Variants in DIAPH2 observed in about 807,000 individuals in gnomAD.
DIAPH2 encodes diaphanous related formin 2, also known as protein diaphanous homolog 2.
Under a neutral mutation model 92.7 loss-of-function variants are expected in DIAPH2, and 35 were observed. The observed-to-expected ratio is 0.38, with a 90% CI of 0.29 to 0.50. The LOEUF is 0.50. Ranked by LOEUF, DIAPH2 falls within the 20% of genes least tolerant of loss-of-function variation. The pLI, the probability that DIAPH2 is intolerant of heterozygous loss-of-function variation, is 0.94. For synonymous variants in DIAPH2, 301 were observed against 280.4 expected, an observed-to-expected ratio of 1.07 and a Z score of -0.73; for missense variants, 701 against 819.5, an observed-to-expected ratio of 0.86 and a Z score of 1.77.
intron 22 of DIAPH2, among the ~76,000 whole-genome samples, chrX:97,146,553 C>A (rs1407207681): frequency 9.0e-6 from 1 of 110,565 alleles, no homozygotes; most frequent in Non-Finnish European, 1.9e-5. Context: ...TACTAAAATT[C>A]CAGGCATCAA....
At chrX:96,991,424 T>A (rs1249562843) in intron 17 of DIAPH2, among the ~76,000 whole-genome samples, 2 of 110,037 alleles carry the variant, frequency 1.8e-5, no homozygotes, top group Non-Finnish European at 3.8e-5. Context: ...GGCCTATTAG[T>A]CCCATTTTAT....
At position 97,600,475 on chromosome X, in the gene DIAPH2, A is replaced by ACTT. The variant is rs363764; in HGVS notation, c.*1161_*1163dup. On this transcript the variant is annotated 3_prime_UTR_variant, in exon 27 of 27. Coordinates refer to ENST00000324765, the MANE Select transcript of DIAPH2 (RefSeq NM_006729.5). ...TGCTACAATAATTCCAACTAAGTGA[A>ACTT]CTTCTCAATTATCATCATACTTACT... 0.047 allele frequency: 5,236 copies of ACTT among 112,233 alleles called. 126 individuals are homozygous for ACTT. Among genetic ancestry groups the ACTT allele is most frequent in the Non-Finnish European group, 0.071 (3,762 of 53,045 alleles). The allele number at this position is 112,233 out of a possible 1,213,427, so 9.2% of individuals were successfully genotyped here.
At chrX:96,863,321 C>G (rs1455237123) in intron 4 of DIAPH2, among the ~76,000 whole-genome samples, 2 of 99,636 alleles carry the variant, frequency 2.0e-5, no homozygotes. Context: ...TCTTTCACCT[C>G]TCAACTCTTT....
intron 26 of DIAPH2, among the ~76,000 whole-genome samples, chrX:97,477,902 A>C (rs913781548): frequency 9.0e-6 from 1 of 111,518 alleles, no homozygotes; most frequent in Non-Finnish European, 1.9e-5. Context: ...TATAGAATTT[A>C]GATTTAATGC....
At chrX:97,113,421 C>T (rs1196230907) in intron 20 of DIAPH2, among the ~76,000 whole-genome samples, 1 of 111,002 alleles carries the variant, frequency 9.0e-6, no homozygotes, top group Non-Finnish European at 1.9e-5. Context: ...ATAATAATAC[C>T]CTGACCAGAT....
chrX:97,051,292 G>A (rs5921264), intron 17 of DIAPH2, among the ~76,000 whole-genome samples: 3,781 of 110,792 alleles, frequency 0.034, 78 homozygotes, highest in Middle Eastern at 0.08. Context: ...AGGCTGTATA[G>A]TTTGCATTTT....
intron 17 of DIAPH2, among the ~76,000 whole-genome samples, chrX:97,068,035 C>T (rs2066645052): frequency 8.9e-6 from 1 of 111,964 alleles, no homozygotes; most frequent in Non-Finnish European, 1.9e-5. Flanking sequence ...TGAATATTTA[C>T]TGTCAACCAT....
intron 23 of DIAPH2, among the ~76,000 whole-genome samples, chrX:97,323,497 G>A (rs111239528): frequency 1.9e-5 from 2 of 103,357 alleles, no homozygotes; most frequent in African/African-American, 3.5e-5. Flanking sequence ...AGGCTGAGGC[G>A]GGAGAATGGC....
intron 21 of DIAPH2, among the ~76,000 whole-genome samples, 167 bp from the exon 22 acceptor site, chrX:97,141,498 A>G (rs1209073000): frequency 9.0e-6 from 1 of 111,598 alleles, no homozygotes; most frequent in Non-Finnish European, 1.9e-5. Flanking sequence ...CTTTTAAAAT[A>G]TGGAGCTCCT....
At chrX:96,949,687 C>CAAAAAAAAAAAAA (rs1167294262) in intron 15 of DIAPH2, among the ~76,000 whole-genome samples, 1 of 40,332 alleles carries the variant, frequency 2.5e-5, no homozygotes, top group Non-Finnish European at 4.3e-5. Context: ...ACTAAAAATA[C>CAAAAAAAAAAAAA]AAAAAAAAAA....
intron 1 of DIAPH2, among the ~76,000 whole-genome samples, chrX:96,704,176 G>C (rs185238772): frequency 9.8e-5 from 11 of 111,753 alleles, no homozygotes; most frequent in Admixed American, 9.5e-4. Context: ...GGTTCCTTGT[G>C]GGGTTACAAA....
chrX:97,319,055 A>G (rs1188826690), intron 23 of DIAPH2, among the ~76,000 whole-genome samples: 1 of 112,063 alleles, frequency 8.9e-6, no homozygotes. Flanking sequence ...ACGACATTTT[A>G]AAATAAATTC....
chrX:96,897,906 T>C (rs2065358023), intron 5 of DIAPH2, among the ~76,000 whole-genome samples: 1 of 71,348 alleles, frequency 1.4e-5, no homozygotes, highest in Non-Finnish European at 2.6e-5. Context: ...CCCCAGAGTG[T>C]GATGTTCCCC....
intron 22 of DIAPH2, among the ~76,000 whole-genome samples, chrX:97,176,904 T>C (rs1456036937): frequency 8.9e-6 from 1 of 111,944 alleles, no homozygotes; most frequent in Non-Finnish European, 1.9e-5. Context: ...GGTATAGTAT[T>C]TGCATATAAC....
chrX:96,912,406 A>T lies in DIAPH2; in HGVS notation c.662+4A>T. Reference sequence around the variant, plus strand: ...AAAAGCTTCTGGACAAAAAACAGTAAGAATAAACACTGAAATTAAAATCAC... The same window carrying T: ...AAAAGCTTCTGGACAAAAAACAGTATGAATAAACACTGAAATTAAAATCAC... On this transcript the variant is annotated splice_donor_region_variant and intron_variant, in intron 6 of 26. Transcript: ENST00000324765. 1 of 1,201,486 alleles carries T rather than the reference A, an allele frequency of 8.3e-7. No homozygotes were observed. Among genetic ancestry groups the T allele is most frequent in the Non-Finnish European group, 1.1e-6 (1 of 889,505 alleles).
chrX:97,414,601 G>C (rs1362833451), intron 25 of DIAPH2, among the ~76,000 whole-genome samples: 5 of 105,617 alleles, frequency 4.7e-5, no homozygotes, highest in Non-Finnish European at 2.0e-5. Flanking sequence ...TGCAGTGAGT[G>C]GGAGATCACG....
intron 9 of DIAPH2, among the ~76,000 whole-genome samples, chrX:96,921,623 C>T: frequency 9.1e-6 from 1 of 110,189 alleles, no homozygotes. Flanking sequence ...CACTGTTGAT[C>T]ACCTTCTTCC....
chrX:97,027,017 G>T (rs2066339922), intron 17 of DIAPH2, among the ~76,000 whole-genome samples: 1 of 111,556 alleles, frequency 9.0e-6, no homozygotes, highest in South Asian at 3.7e-4. Context: ...TACACATCTG[G>T]TACTACAGGA....
chrX:97,142,504 A>G (rs2067215159), intron 22 of DIAPH2, among the ~76,000 whole-genome samples: 1 of 111,440 alleles, frequency 9.0e-6, no homozygotes, highest in Non-Finnish European at 1.9e-5. Context: ...CAGGCTAAGG[A>G]GTCTAGTCTT....
Sources: gnomAD v4.1 joint callset for allele counts (sites outside exome capture counted in the v4.1 genomes callset) on GRCh38, gnomAD v4.1.1 for gene constraint, MANE v1.5 for transcripts, NCBI Gene and HGNC (gene_info 2026-07-23, HGNC 2026-07-21) for gene names.